IMMP2L: variants seen among roughly 807,000 people sequenced by gnomAD.
IMMP2L encodes mitochondrial inner membrane protease subunit 2.
A neutral mutation model predicts 19.3 loss-of-function variants in IMMP2L; 18 were observed. That is an observed-to-expected ratio of 0.93 (90% CI 0.64 to 1.38). The LOEUF is 1.38. IMMP2L is among the 40% of genes most tolerant of loss of function. IMMP2L has a pLI of 0.00. For missense variants in IMMP2L, 233 were observed against 218.2 expected (o/e 1.07, Z -0.43); for synonymous variants, 76 against 73.0 (o/e 1.04, Z -0.21).
chr7:111,550,142 G>A (rs956810244), intron 1 of IMMP2L, among the ~76,000 whole-genome samples: 7 of 151,798 alleles, frequency 4.6e-5, no homozygotes, highest in African/African-American at 1.7e-4. Flanking sequence ...AAGCTCCTGG[G>A]AAAATACCAA....
At chr7:111,317,090 C>T (rs1294470718) in intron 3 of IMMP2L, among the ~76,000 whole-genome samples, 3 of 151,760 alleles carry the variant, frequency 2.0e-5, no homozygotes, top group South Asian at 2.1e-4. Context: ...CCTCGTGATC[C>T]GCCCGCCTCA....
intron 4 of IMMP2L, among the ~76,000 whole-genome samples, chr7:110,925,106 T>C (rs1033432476): frequency 3.9e-5 from 6 of 152,104 alleles, no homozygotes; most frequent in African/African-American, 1.4e-4. Flanking sequence ...GCAAAGATAT[T>C]AGCGCTAAAA....
chr7:111,384,824 T>G (rs905112964), intron 3 of IMMP2L, among the ~76,000 whole-genome samples: 2 of 152,156 alleles, frequency 1.3e-5, no homozygotes, highest in Non-Finnish European at 2.9e-5. Context: ...TTTTATGTAT[T>G]TTTTTAACTG....
At chr7:110,978,947 C>G (rs943053344) in intron 3 of IMMP2L, among the ~76,000 whole-genome samples, 3 of 151,958 alleles carry the variant, frequency 2.0e-5, no homozygotes, top group Admixed American at 2.0e-4. Context: ...ACATTAGAAA[C>G]ATATAAATAT....
chr7:110,859,589 C>CA (rs1404041532), intron 5 of IMMP2L, among the ~76,000 whole-genome samples: 4 of 151,454 alleles, frequency 2.6e-5, no homozygotes, highest in Non-Finnish European at 5.9e-5. Context: ...CAAAAAAATA[C>CA]AAAAATAGCC....
intron 3 of IMMP2L, among the ~76,000 whole-genome samples, chr7:111,075,524 C>T (rs897845022): frequency 1.3e-5 from 2 of 152,070 alleles, no homozygotes; most frequent in African/African-American, 2.4e-5. Context: ...TCATAATACT[C>T]GAAATTGCAG....
intron 4 of IMMP2L, among the ~76,000 whole-genome samples, chr7:110,897,465 A>AT (rs770268146): frequency 2.6e-5 from 4 of 152,180 alleles, no homozygotes; most frequent in Admixed American, 6.5e-5. Context: ...TGGCATAGGT[A>AT]TAGGAAACAT....
intron 3 of IMMP2L, among the ~76,000 whole-genome samples, chr7:111,445,384 T>G (rs1414688268): frequency 6.6e-6 from 1 of 151,620 alleles, no homozygotes; most frequent in Non-Finnish European, 1.5e-5. Context: ...CCCCCTTTCC[T>G]AGAAGAATGA....
At chr7:110,901,172 A>G (rs1400772099) in intron 4 of IMMP2L, among the ~76,000 whole-genome samples, 1 of 151,998 alleles carries the variant, frequency 6.6e-6, no homozygotes, top group Non-Finnish European at 1.5e-5. Context: ...CTGGGTTTAT[A>G]ATCTATCCAC....
At position 110,912,896 on chromosome 7, in the gene IMMP2L, C is replaced by T. The variant is rs1467193350; in HGVS notation, c.306-26201G>A. On this transcript the variant is annotated intron_variant, in intron 4 of 5. Transcript: ENST00000405709. ...AACTTGTGATTTTGCATCTCCTCAG[C>T]AACTACAACTTCCAGTATGCAGAAT... Among the ~76,000 whole-genome samples the T allele has an allele frequency of 3.3e-5, 5 of 151,920 alleles. No homozygotes were observed. The East Asian group carries it at 9.7e-4, about 29-fold the overall frequency.
At chr7:110,714,584 C>CTTTG (rs750709006) in intron 5 of IMMP2L, among the ~76,000 whole-genome samples, 2 of 151,992 alleles carry the variant, frequency 1.3e-5, no homozygotes, top group East Asian at 1.9e-4. Flanking sequence ...TGGTACAGAG[C>CTTTG]TTTGTTTGTT....
Position 110,964,270 on chromosome 7 carries a change from A to G in IMMP2L, c.240-705T>C, listed in dbSNP as rs534501228. On this transcript the variant is annotated intron_variant, in intron 3 of 5. Transcript: ENST00000405709. ...TACTTAGAGGAAAGAGGATTAGTAC[A>G]TAAGAAAATGCTTACACATTTCTTT... Among the ~76,000 whole-genome samples the G allele has an allele frequency of 2.6e-5, 4 of 152,212 alleles. No individual in the cohort carries two copies. In the South Asian group the frequency reaches 6.2e-4, roughly 24 times the overall value.
intron 3 of IMMP2L, chr7:111,124,674 A>G (rs1801079637): frequency 6.2e-7 from 1 of 1,613,830 alleles, no homozygotes; most frequent in Non-Finnish European, 8.5e-7. Flanking sequence ...CCTGTCTTGG[A>G]GGCCTTCTGG....
At chr7:111,040,296 T>C (rs896383396) in intron 3 of IMMP2L, among the ~76,000 whole-genome samples, 3 of 152,226 alleles carry the variant, frequency 2.0e-5, no homozygotes, top group Non-Finnish European at 4.4e-5. Flanking sequence ...ATTCTTTAAA[T>C]AGATATGGAG....
chr7:111,186,394 ATTT>A (rs908575131), intron 3 of IMMP2L, among the ~76,000 whole-genome samples: 20 of 151,576 alleles, frequency 1.3e-4, no homozygotes, highest in Non-Finnish European at 2.8e-4. Context: ...ATTCCACTCA[ATTT>A]TTTTAAGCAT....
intron 3 of IMMP2L, among the ~76,000 whole-genome samples, chr7:111,348,238 G>GT (rs1181012961): frequency 3.3e-5 from 5 of 151,850 alleles, no homozygotes; most frequent in African/African-American, 1.2e-4. Context: ...GTATACATAC[G>GT]TAACAAACCT....
chr7:111,222,317 CA>C (rs1812603365), intron 3 of IMMP2L, among the ~76,000 whole-genome samples: 1 of 151,068 alleles, frequency 6.6e-6, no homozygotes, highest in South Asian at 2.1e-4. Context: ...CTATGCCTAA[CA>C]AAACAAAAAA....
intron 5 of IMMP2L, among the ~76,000 whole-genome samples, chr7:110,860,109 G>GT (rs2129542642): frequency 1.3e-5 from 2 of 152,076 alleles, no homozygotes; most frequent in African/African-American, 4.8e-5. Context: ...AACATCAATG[G>GT]TTAGATGGTC....
At chr7:111,228,039 C>A (rs1019174069) in intron 3 of IMMP2L, among the ~76,000 whole-genome samples, 1 of 152,116 alleles carries the variant, frequency 6.6e-6, no homozygotes, top group Non-Finnish European at 1.5e-5. Context: ...TAGCCATAGG[C>A]CACAGAAATC....
Sources: gnomAD v4.1 joint callset for allele counts (sites outside exome capture counted in the v4.1 genomes callset) on GRCh38, gnomAD v4.1.1 for gene constraint, MANE v1.5 for transcripts, NCBI Gene and HGNC (gene_info 2026-07-23, HGNC 2026-07-21) for gene names.